The following MACROD2 variants were observed in gnomAD, a reference collection of about 807,000 sequenced individuals.
MACROD2 encodes ADP-ribose glycohydrolase MACROD2.
MACROD2 carries 36 observed loss-of-function variants against 70.4 expected under a neutral mutation model. The observed-to-expected ratio is 0.51, with a 90% CI of 0.39 to 0.68. The LOEUF (loss-of-function observed/expected upper bound fraction) is 0.68, where lower values mean the gene tolerates loss of function less well. Among genes scored for constraint, MACROD2 ranks in the 30% least tolerant of loss-of-function variants. The probability of loss-of-function intolerance (pLI) is 0.00; values close to 1 mark genes in which losing one functional copy is unlikely to be tolerated. For synonymous variants in MACROD2, 172 were observed against 178.8 expected, an observed-to-expected ratio of 0.96 and a Z score of 0.30; for missense variants, 496 against 538.4, an observed-to-expected ratio of 0.92 and a Z score of 0.78.
At chr20:14,195,111 G>T (rs375329900) in intron 3 of MACROD2, among the ~76,000 whole-genome samples, 3 of 152,070 alleles carry the variant, frequency 2.0e-5, no homozygotes, top group Non-Finnish European at 2.9e-5. Flanking sequence ...TTTAAAAGAA[G>T]AATTTATCTA....
At chr20:15,744,017 C>G (rs887525627) in intron 8 of MACROD2, among the ~76,000 whole-genome samples, 1 of 152,164 alleles carries the variant, frequency 6.6e-6, no homozygotes, top group African/African-American at 2.4e-5. Flanking sequence ...TTGACAACCC[C>G]CTTCTTTTCC....
At chr20:15,896,304 AC>A (rs1390551830) in intron 10 of MACROD2, among the ~76,000 whole-genome samples, 1 of 152,182 alleles carries the variant, frequency 6.6e-6, no homozygotes, top group African/African-American at 2.4e-5. Flanking sequence ...CCTCACAGGT[AC>A]TACTGATTTC....
intron 5 of MACROD2, among the ~76,000 whole-genome samples, chr20:14,877,040 T>C (rs985606924): frequency 6.6e-6 from 1 of 151,904 alleles, no homozygotes; most frequent in South Asian, 2.1e-4. Context: ...GTGACTGTGT[T>C]TGGGCAGAAT....
At chr20:15,744,566 T>C (rs1337879206) in intron 8 of MACROD2, among the ~76,000 whole-genome samples, 1 of 152,176 alleles carries the variant, frequency 6.6e-6, no homozygotes, top group Non-Finnish European at 1.5e-5. Context: ...GCTGCCTCCA[T>C]TGAAGTTGAC....
At chr20:15,636,419 G>A (rs2049370324) in intron 8 of MACROD2, among the ~76,000 whole-genome samples, 1 of 152,158 alleles carries the variant, frequency 6.6e-6, no homozygotes, top group African/African-American at 2.4e-5. Flanking sequence ...AGTCTCAGAA[G>A]ACAATGTGAT....
At chr20:15,972,042 T>C (rs2066239152) in intron 13 of MACROD2, among the ~76,000 whole-genome samples, 1 of 152,186 alleles carries the variant, frequency 6.6e-6, no homozygotes, top group African/African-American at 2.4e-5. Flanking sequence ...AAGACCCAAA[T>C]TGAATTTCAA....
chr20:14,557,110 C>T (rs1199621836), intron 4 of MACROD2, among the ~76,000 whole-genome samples: 1 of 151,922 alleles, frequency 6.6e-6, no homozygotes, highest in Non-Finnish European at 1.5e-5. Context: ...AGTGCCAAGA[C>T]AATTCAATGG....
chr20:15,615,656 A>G (rs532075250), intron 8 of MACROD2, among the ~76,000 whole-genome samples: 1 of 152,266 alleles, frequency 6.6e-6, no homozygotes, highest in African/African-American at 2.4e-5. Context: ...CACACCCACC[A>G]TGGTCCAAGG....
At chr20:15,431,529 A>G (rs1600402194) in intron 7 of MACROD2, 94 bp downstream of exon 7, 12 of 1,198,194 alleles carry the variant, frequency 1.0e-5, no homozygotes, top group African/African-American at 1.5e-5. Context: ...TCTGATGAAT[A>G]TATTTTGCTG....
intron 6 of MACROD2, among the ~76,000 whole-genome samples, chr20:15,316,061 A>G (rs1382452586): frequency 1.3e-5 from 2 of 152,000 alleles, no homozygotes; most frequent in Non-Finnish European, 2.9e-5. Context: ...TCTTTAAAAA[A>G]CACACAAAAA....
At chr20:15,931,162 C>G (rs925725275) in intron 10 of MACROD2, among the ~76,000 whole-genome samples, 1 of 152,200 alleles carries the variant, frequency 6.6e-6, no homozygotes, top group African/African-American at 2.4e-5. Context: ...TGCTCCTGCA[C>G]CAACTTGGCC....
chr20:15,091,740 A>G (rs1456792683), intron 5 of MACROD2, among the ~76,000 whole-genome samples: 1 of 152,164 alleles, frequency 6.6e-6, no homozygotes. Flanking sequence ...GAAACACAAT[A>G]TGCATTTTTT....
chr20:14,604,267 A>G (rs1377931622), intron 4 of MACROD2, among the ~76,000 whole-genome samples: 1 of 152,220 alleles, frequency 6.6e-6, no homozygotes, highest in Non-Finnish European at 1.5e-5. Context: ...CCAAGCAGAG[A>G]GCAAATTTCA....
At position 14,150,570 on chromosome 20, in the gene MACROD2, G is replaced by A. The variant is rs113215907; in HGVS notation, c.271+64842G>A. ...ACTAGAGATAATATAAAAATATTAG[G>A]AAGAAGGGATTGATTATCTCTCATT... is the stretch of plus-strand genomic sequence containing the variant. On this transcript the variant is annotated intron_variant, in intron 3 of 17. Coordinates refer to ENST00000684519, the MANE Select transcript of MACROD2 (RefSeq NM_001351661.2). 4.2e-3 allele frequency among the ~76,000 whole-genome samples: 637 copies of A among 152,246 alleles called. 9 individuals carry two copies. The highest frequency in any genetic ancestry group is 0.014 in the African/African-American group (600 of 41,534).
chr20:14,913,682 G>A (rs2122605641), intron 5 of MACROD2, among the ~76,000 whole-genome samples: 1 of 152,224 alleles, frequency 6.6e-6, no homozygotes, highest in East Asian at 1.9e-4. Context: ...GTGAGACCCT[G>A]TATCAAAACA....
chr20:14,336,270 G>A (rs2082934568), intron 3 of MACROD2, among the ~76,000 whole-genome samples: 1 of 151,770 alleles, frequency 6.6e-6, no homozygotes, highest in South Asian at 2.1e-4. Context: ...TATTAAGAAT[G>A]TTTAAAATAG....
chr20:14,761,740 A>T (rs1433993676), intron 5 of MACROD2, among the ~76,000 whole-genome samples: 2 of 152,112 alleles, frequency 1.3e-5, no homozygotes, highest in Non-Finnish European at 2.9e-5. Context: ...ACAGAGCTGT[A>T]GATGAGCTTA....
intron 5 of MACROD2, among the ~76,000 whole-genome samples, chr20:14,810,619 G>T (rs2072697919): frequency 6.6e-6 from 1 of 152,070 alleles, no homozygotes; most frequent in African/African-American, 2.4e-5. Context: ...GAAATGAAGG[G>T]TATTCAAATA....
intron 6 of MACROD2, among the ~76,000 whole-genome samples, chr20:15,318,070 A>G (rs1198902763): frequency 1.3e-5 from 2 of 152,274 alleles, no homozygotes; most frequent in East Asian, 1.9e-4. Flanking sequence ...AATTGAAATC[A>G]GAAGAAAACA....
Sources: gnomAD v4.1 joint callset for allele counts (sites outside exome capture counted in the v4.1 genomes callset) on GRCh38, gnomAD v4.1.1 for gene constraint, MANE v1.5 for transcripts, NCBI Gene and HGNC (gene_info 2026-07-23, HGNC 2026-07-21) for gene names.